The following MACROD2 variants were observed in gnomAD, a reference collection of about 807,000 sequenced individuals.
The protein encoded by MACROD2 is ADP-ribose glycohydrolase MACROD2.
MACROD2 carries 36 observed loss-of-function variants against 70.4 expected under a neutral mutation model. The observed-to-expected ratio is 0.51, with a 90% CI of 0.39 to 0.68. The LOEUF (loss-of-function observed/expected upper bound fraction) is 0.68, where lower values mean the gene tolerates loss of function less well. Among genes scored for constraint, MACROD2 ranks in the 30% least tolerant of loss-of-function variants. MACROD2 has a pLI of 0.00. For missense variants in MACROD2, 496 were observed against 538.4 expected (o/e 0.92, Z 0.78); for synonymous variants, 172 against 178.8 (o/e 0.96, Z 0.30).
chr20:15,700,824 C>T (rs2146895992), intron 8 of MACROD2, among the ~76,000 whole-genome samples: 1 of 152,316 alleles, frequency 6.6e-6, no homozygotes, highest in Non-Finnish European at 1.5e-5. Context: ...ATCCCAAATA[C>T]TATCTTATAT....
chr20:14,614,882 A>C (rs1568700154), intron 4 of MACROD2, among the ~76,000 whole-genome samples: 1 of 152,120 alleles, frequency 6.6e-6, no homozygotes, highest in South Asian at 2.1e-4. Flanking sequence ...AATAGAAGGG[A>C]AACTAACCAT....
intron 6 of MACROD2, among the ~76,000 whole-genome samples, chr20:15,378,801 T>TA (rs1205917932): frequency 1.3e-5 from 2 of 152,176 alleles, no homozygotes; most frequent in Admixed American, 6.5e-5. Flanking sequence ...TTTTCAACCT[T>TA]AACTGATGCA....
intron 5 of MACROD2, among the ~76,000 whole-genome samples, chr20:14,952,740 T>C (rs2074486020): frequency 6.6e-6 from 1 of 152,200 alleles, no homozygotes; most frequent in Admixed American, 6.5e-5. Flanking sequence ...CATTAGTTTT[T>C]ATACTGTAAG....
rs977343285 is a variant in MACROD2 at position 15,084,743 on chromosome 20, A to C, written c.419-145197A>C. Among the ~76,000 whole-genome samples the C allele has an allele frequency of 2.6e-5, 4 of 152,290 alleles. No individual in the cohort carries two copies. The Middle Eastern group carries it at 0.01, about 391-fold the overall frequency. ...AGCATACATTCAGTTCTTCCTTGGCAACAGACATTTGAAATGTAATTAAAT... is the reference window on the plus strand; with the variant it reads ...AGCATACATTCAGTTCTTCCTTGGCCACAGACATTTGAAATGTAATTAAAT... On this transcript the variant is annotated intron_variant, in intron 5 of 17. Transcript: ENST00000684519.
intron 12 of MACROD2, among the ~76,000 whole-genome samples, chr20:15,940,829 C>A (rs924861391): frequency 6.6e-6 from 1 of 152,036 alleles, no homozygotes; most frequent in Non-Finnish European, 1.5e-5. Flanking sequence ...GTGATCAGAG[C>A]GAAAAGACAG....
intron 5 of MACROD2, among the ~76,000 whole-genome samples, chr20:14,765,956 C>T (rs1436926189): frequency 6.6e-6 from 1 of 152,024 alleles, no homozygotes; most frequent in Non-Finnish European, 1.5e-5. Context: ...ATTGGAGAGC[C>T]TCCTAAATCT....
intron 3 of MACROD2, among the ~76,000 whole-genome samples, chr20:14,231,179 G>T (rs1301233911): frequency 6.7e-6 from 1 of 149,982 alleles, no homozygotes; most frequent in African/African-American, 2.5e-5. Context: ...GGGTACATGT[G>T]CACAATGTGC....
intron 5 of MACROD2, among the ~76,000 whole-genome samples, chr20:15,186,807 C>T (rs1233637433): frequency 6.6e-6 from 1 of 152,132 alleles, no homozygotes; most frequent in Non-Finnish European, 1.5e-5. Flanking sequence ...ATTTTTGTGT[C>T]ACACTCCACT....
At chr20:14,645,816 A>C (rs562941451) in intron 4 of MACROD2, among the ~76,000 whole-genome samples, 1 of 152,154 alleles carries the variant, frequency 6.6e-6, no homozygotes, top group Non-Finnish European at 1.5e-5. Context: ...GAGAGATCAC[A>C]TTCTCTCTGT....
At chr20:14,127,452 T>G in intron 3 of MACROD2, 1 of 483,764 alleles carries the variant, frequency 2.1e-6, no homozygotes, top group Non-Finnish European at 3.8e-6. Context: ...GATGCTGTTC[T>G]GAAGAGGCTG....
chr20:15,167,930 A>C (rs915424966), intron 5 of MACROD2, among the ~76,000 whole-genome samples: 7 of 152,196 alleles, frequency 4.6e-5, no homozygotes, highest in Non-Finnish European at 1.0e-4. Context: ...AAAAATAAGC[A>C]CTGGCAGAAT....
At chr20:15,310,088 C>G (rs1175925885) in intron 6 of MACROD2, among the ~76,000 whole-genome samples, 1 of 152,136 alleles carries the variant, frequency 6.6e-6, no homozygotes, top group African/African-American at 2.4e-5. Flanking sequence ...TCTTTCTAAC[C>G]CTGTATTATC....
chr20:15,960,352 A>G (rs2066042199), intron 12 of MACROD2, among the ~76,000 whole-genome samples: 1 of 152,166 alleles, frequency 6.6e-6, no homozygotes. Flanking sequence ...TCCATAATTA[A>G]AGACAGCATG....
At chr20:14,022,440 C>A (rs941206456) in intron 2 of MACROD2, among the ~76,000 whole-genome samples, 1 of 133,324 alleles carries the variant, frequency 7.5e-6, no homozygotes, top group Non-Finnish European at 1.6e-5. Context: ...GAGCCCAATT[C>A]TTTTTTTTTT....
At chr20:14,409,165 T>TTC (rs779758828) in intron 3 of MACROD2, among the ~76,000 whole-genome samples, 1 of 150,560 alleles carries the variant, frequency 6.6e-6, no homozygotes, top group African/African-American at 2.4e-5. Flanking sequence ...TTTTTTTTTT[T>TTC]CCAAACGTAT....
intron 5 of MACROD2, among the ~76,000 whole-genome samples, chr20:14,947,628 G>C (rs1168601453): frequency 6.6e-6 from 1 of 152,132 alleles, no homozygotes; most frequent in African/African-American, 2.4e-5. Context: ...TTAAAACACA[G>C]ATGGCCTACC....
chr20:15,695,187 C>T (rs1462865697), intron 8 of MACROD2, among the ~76,000 whole-genome samples: 2 of 152,018 alleles, frequency 1.3e-5, no homozygotes, highest in African/African-American at 4.8e-5. Flanking sequence ...CTTAGTCTTA[C>T]TTTGGCTATG....
chr20:14,097,252 G>A (rs1205057950), intron 3 of MACROD2, among the ~76,000 whole-genome samples: 1 of 152,138 alleles, frequency 6.6e-6, no homozygotes, highest in East Asian at 1.9e-4. Context: ...GTCTTTTCTA[G>A]AGCTTGGGGA....
At chr20:14,878,865 T>C (rs542638162) in intron 5 of MACROD2, among the ~76,000 whole-genome samples, 30 of 152,256 alleles carry the variant, frequency 2.0e-4, no homozygotes, top group Admixed American at 1.8e-3. Context: ...TCTATTATGT[T>C]GCCCAGGCTT....
Sources: allele counts gnomAD v4.1 joint callset (sites outside exome capture counted in the v4.1 genomes callset), GRCh38; gene constraint gnomAD v4.1.1; transcripts MANE v1.5; gene names NCBI Gene and HGNC (gene_info 2026-07-23, HGNC 2026-07-21).